Variants in SZT2 observed in about 807,000 individuals in gnomAD.
The protein encoded by SZT2 is KICSTOR complex protein SZT2.
Under a neutral mutation model 404.2 loss-of-function variants are expected in SZT2, and 216 were observed. The ratio of observed to expected loss-of-function variants is 0.53; its 90% CI spans 0.48 to 0.60. The LOEUF (loss-of-function observed/expected upper bound fraction) is 0.60, where lower values mean the gene tolerates loss of function less well. SZT2 is among the 20% of genes least tolerant of loss of function. SZT2 has a pLI of 0.00. For missense variants in SZT2, 3,857 were observed against 4,459.2 expected, an observed-to-expected ratio of 0.86 and a Z score of 3.85; for synonymous variants, 1,693 against 1,749.9, an observed-to-expected ratio of 0.97 and a Z score of 0.81.
intron 62 of SZT2, chr1:43,445,617 G>T: frequency 1.9e-6 from 1 of 516,524 alleles, no homozygotes; most frequent in South Asian, 2.3e-5. Context: ...TCTCTTTCCT[G>T]CCCAGCACAC....
chr1:43,392,255 GTGT>G (rs1342199337), intron 1 of SZT2, among the ~76,000 whole-genome samples: 1 of 151,958 alleles, frequency 6.6e-6, no homozygotes, highest in East Asian at 1.9e-4. Flanking sequence ...TTAAAATCTA[GTGT>G]TGTATTTTAC....
At chr1:43,399,816 T>G (rs1323157597) in intron 1 of SZT2, among the ~76,000 whole-genome samples, 4 of 152,034 alleles carry the variant, frequency 2.6e-5, no homozygotes, top group Admixed American at 1.3e-4. Flanking sequence ...TGGAATTCCT[T>G]TAGTAGCTTA....
Position 43,427,631 on chromosome 1 carries a change from C to G in SZT2, c.3700C>G (p.Arg1234Gly), listed in dbSNP as rs776754646. The G allele has an allele frequency of 6.2e-7, 1 of 1,614,192 alleles. No homozygotes were observed. Among genetic ancestry groups the G allele is most frequent in the South Asian group, 1.1e-5 (1 of 91,078 alleles). Residue 1234 changes from arginine to glycine, a missense_variant, in exon 26 of 72, where the codon CGG (arginine) becomes GGG (glycine). Coordinates refer to ENST00000634258, the MANE Select transcript of SZT2 (RefSeq NM_001365999.1). ...ASQTESADGP[R>G]TRCPVYIYSC... Reference sequence around the variant, plus strand: ...CCAGACAGAGAGTGCGGATGGGCCCCGGACCCGGTGTCCTGTCTACATCTA... The same window carrying G: ...CCAGACAGAGAGTGCGGATGGGCCCGGGACCCGGTGTCCTGTCTACATCTA...
Position 43,428,762 on chromosome 1 carries a change from C to T in SZT2, c.4166+276C>T, listed in dbSNP as rs566368777. The T allele has an allele frequency of 4.0e-4, 175 of 442,884 alleles. 1 individual carries two copies. The highest frequency in any genetic ancestry group is 2.1e-3 in the South Asian group (76 of 36,448). The allele number at this position is 442,884 out of a possible 1,614,324, so 27.4% of individuals were successfully genotyped here. A position where few individuals can be genotyped will look rare whatever the true frequency, so the allele number is the denominator to read the frequency against. ...GGAGTCCCCTGGTGCTAACCGTGAA[C>T]GTAGAGACTTGTTCTGAGGACATCC... On this transcript the variant is annotated intron_variant, in intron 28 of 71. Transcript: ENST00000634258.
Position 43,424,463 on chromosome 1 carries a change from G to C in SZT2, c.2471+31G>C, listed in dbSNP as rs1195055668. On this transcript the variant is annotated intron_variant, in intron 16 of 71. Transcript: ENST00000634258. This position sits in a 1 kb window ranked among gnomAD's most constrained non-coding sequence, Gnocchi z 4.1. ...TCATCCAAGCCTGCCAGGTCACTCG[G>C]GGCAAGGAGAGAGCAAGTGTAGACT... The C allele has an allele frequency of 5.0e-6, 8 of 1,592,492 alleles. No homozygotes were observed. Among genetic ancestry groups the C allele is most frequent in the African/African-American group, 1.3e-5 (1 of 74,712 alleles).
At chr1:43,400,732 C>G (rs1649578662) in intron 1 of SZT2, among the ~76,000 whole-genome samples, 1 of 152,084 alleles carries the variant, frequency 6.6e-6, no homozygotes, top group Non-Finnish European at 1.5e-5. Context: ...ATTAGCCGGG[C>G]TTGGTGGCGG....
At position 43,435,350 on chromosome 1, in the gene SZT2, C is replaced by T. The variant is rs1654350000; in HGVS notation, c.6034+21C>T. 3 of 1,613,332 alleles carry T rather than the reference C, an allele frequency of 1.9e-6. No homozygotes were observed. The South Asian group carries it at 3.3e-5, about 18-fold the overall frequency. On this transcript the variant is annotated intron_variant, in intron 42 of 71. Transcript: ENST00000634258. ...TGATGGTGAGATCCCACCCAGGAGC[C>T]TCCCTCACAAGGCAGTGCTGCCGCC... is the stretch of plus-strand genomic sequence containing the variant.
Position 43,452,902 on chromosome 1 carries a change from C to T in SZT2, c.*2422C>T. Reference sequence around the variant, plus strand: ...CCTCCCCATCCCAACAGGCTACATACATGTCCAGCCTCAGGAACGCTGCCA... The same window carrying T: ...CCTCCCCATCCCAACAGGCTACATATATGTCCAGCCTCAGGAACGCTGCCA... On this transcript the variant is annotated 3_prime_UTR_variant, in exon 72 of 72. Transcript: ENST00000634258. The T allele has an allele frequency of 5.0e-6, 8 of 1,598,826 alleles. No homozygotes were observed. Among genetic ancestry groups the T allele is most frequent in the South Asian group, 1.1e-5 (1 of 87,838 alleles).
chr1:43,428,652 A>G (rs1653482320), intron 28 of SZT2, 166 bp downstream of exon 28: 2 of 922,014 alleles, frequency 2.2e-6, no homozygotes, highest in Non-Finnish European at 3.2e-6. Flanking sequence ...CTTCCTCACC[A>G]ATTTGGCACA....
intron 1 of SZT2, among the ~76,000 whole-genome samples, chr1:43,390,207 C>T (rs1648117147): frequency 1.3e-5 from 2 of 152,240 alleles, no homozygotes; most frequent in Admixed American, 1.3e-4. Flanking sequence ...AAAGGAGTAA[C>T]TGTTCGCTTT....
At chr1:43,440,349 G>A (rs1293396014) in intron 51 of SZT2, 104 bp from the exon 52 acceptor site, 17 of 1,463,290 alleles carry the variant, frequency 1.2e-5, no homozygotes, top group Non-Finnish European at 1.6e-5. Context: ...TCACTGACAG[G>A]TAGAATAGGT....
intron 41 of SZT2, among the ~76,000 whole-genome samples, chr1:43,434,870 T>G (rs2153934594): frequency 6.6e-6 from 1 of 152,292 alleles, no homozygotes; most frequent in East Asian, 1.9e-4. Context: ...TTGTGAAGAA[T>G]CCTAAAAGGA....
intron 1 of SZT2, among the ~76,000 whole-genome samples, chr1:43,392,907 G>A (rs1648571489): frequency 6.6e-6 from 1 of 152,200 alleles, no homozygotes; most frequent in African/African-American, 2.4e-5. Flanking sequence ...AATATTTTAC[G>A]AGTGCTGGTA....
chr1:43,432,834 T>C, intron 39 of SZT2, 35 bp downstream of exon 39: 2 of 1,609,570 alleles, frequency 1.2e-6, no homozygotes, highest in Non-Finnish European at 1.7e-6. Context: ...GACTCTAAGC[T>C]GATGGGAGGT....
intron 70 of SZT2, 120 bp from the exon 71 acceptor site, chr1:43,449,983 G>C: frequency 8.4e-7 from 1 of 1,186,374 alleles, no homozygotes; most frequent in South Asian, 1.3e-5. Context: ...TGTGACCTCA[G>C]GGTGCAGGCG....
In SZT2 at chr1:43,427,659, G is replaced by T; in HGVS notation, c.3728G>T (p.Ser1243Ile). ...ACCCGGTGTCCTGTCTACATCTACA[G>T]CTGTTCACTGGAAGCGCTGAGGGAA... Reference protein sequence around the residue: ...PRTRCPVYIYSCSLEALREQM... With the variant: ...PRTRCPVYIYICSLEALREQM... The change falls in exon 26 of 72, where the codon AGC becomes ATC. Residue 1243 changes from serine (S) to isoleucine (I), a missense_variant. Transcript: ENST00000634258. 2.5e-6 allele frequency: 4 copies of T among 1,614,208 alleles called. No individual in the cohort carries two copies. The highest frequency in any genetic ancestry group is 3.4e-6 in the Non-Finnish European group (4 of 1,180,046).
intron 40 of SZT2, 98 bp from the exon 41 acceptor site, chr1:43,434,288 C>G: frequency 9.5e-7 from 1 of 1,050,776 alleles, no homozygotes; most frequent in Non-Finnish European, 1.4e-6. Flanking sequence ...CTCTCCCCCT[C>G]GTGATACGTA....
intron 7 of SZT2, among the ~76,000 whole-genome samples, chr1:43,417,961 T>C (rs970762752): frequency 4.6e-5 from 7 of 152,192 alleles, no homozygotes; most frequent in Admixed American, 6.5e-5. Context: ...GAAGAAAATT[T>C]TACTGGATCT....
chr1:43,442,364 AG>A lies in SZT2; in HGVS notation c.7971del (p.Lys2658SerfsTer5). 6.2e-7 allele frequency: 1 copy of A among 1,613,980 alleles called. No individual in the cohort carries two copies. The highest frequency in any genetic ancestry group is 8.5e-7 in the Non-Finnish European group (1 of 1,179,920). ...QRLLLLEVVD[K>X]KLQLLTYNWA... The stretch of plus-strand genomic sequence containing the variant: ...CTCTTGCTACTAGAGGTTGTGGACA[AG>A]AAGGTAAATATGGGGCCAGGGACTG... On this transcript the variant is annotated frameshift_variant, in exon 57 of 72. Coordinates refer to ENST00000634258, the MANE Select transcript of SZT2 (RefSeq NM_001365999.1). LOFTEE classifies it high-confidence loss of function. This position sits in a 1 kb window ranked among gnomAD's most constrained non-coding sequence, Gnocchi z 4.5.
Sources: gnomAD v4.1 joint callset for allele counts (sites outside exome capture counted in the v4.1 genomes callset) on GRCh38, gnomAD v4.1.1 for gene constraint, Gnocchi (gnomAD v3.1) non-coding constraint, MANE v1.5 for transcripts, NCBI Gene and HGNC (gene_info 2026-07-23, HGNC 2026-07-21) for gene names.